The following WDR70 variants were observed in gnomAD, a reference collection of about 807,000 sequenced individuals.
The protein encoded by WDR70 is WD repeat-containing protein 70.
A neutral mutation model predicts 88.6 loss-of-function variants in WDR70; 53 were observed. That is an observed-to-expected ratio of 0.60 (90% CI 0.48 to 0.75). WDR70 has a LOEUF of 0.75. Among genes scored for constraint, WDR70 ranks in the 30% least tolerant of loss-of-function variants. The probability of loss-of-function intolerance (pLI) is 0.00; values close to 1 mark genes in which losing one functional copy is unlikely to be tolerated. For missense variants in WDR70, 610 were observed against 823.2 expected (o/e 0.74, Z 3.17); for synonymous variants, 280 against 270.0 (o/e 1.04, Z -0.36).
chr5:37,680,016 A>G (rs1301843481), intron 10 of WDR70, among the ~76,000 whole-genome samples: 1 of 152,176 alleles, frequency 6.6e-6, no homozygotes, highest in Non-Finnish European at 1.5e-5. Context: ...TTCACCAACA[A>G]TGTAAAAGCA....
chr5:37,436,156 G>A (rs988710558), intron 5 of WDR70, among the ~76,000 whole-genome samples: 3 of 152,014 alleles, frequency 2.0e-5, no homozygotes, highest in South Asian at 2.1e-4. Context: ...ATAAAAATTA[G>A]CCAGGTAAAG....
chr5:37,449,800 C>T lies in WDR70; in HGVS notation c.686+6428C>T, dbSNP rs568614430. The stretch of plus-strand genomic sequence containing the variant: ...TTCTGGGATACATGTGCAGAACGTG[C>T]AGGTTTGTTACATAGGTATACACGT... On this transcript the variant is annotated intron_variant, in intron 7 of 17. Coordinates refer to ENST00000265107, the MANE Select transcript of WDR70 (RefSeq NM_018034.4). 2.6e-5 allele frequency among the ~76,000 whole-genome samples: 4 copies of T among 152,032 alleles called. No homozygotes were observed. In the South Asian group the frequency reaches 6.2e-4, roughly 24 times the overall value.
chr5:37,502,187 T>A (rs571443277), intron 8 of WDR70, among the ~76,000 whole-genome samples: 19 of 152,300 alleles, frequency 1.2e-4, no homozygotes, highest in African/African-American at 2.6e-4. Context: ...CCTTTTTTTT[T>A]ATTTTTTGCG....
Position 37,605,105 on chromosome 5 carries a change from A to G in WDR70, c.959A>G (p.Lys320Arg). Residue 320 changes from lysine to arginine, a missense_variant, in exon 10 of 18, where the codon AAA (lysine) becomes AGA (arginine). By Grantham distance (26) the Lys-to-Arg change is conservative. Coordinates refer to ENST00000265107, the MANE Select transcript of WDR70 (RefSeq NM_018034.4). ...GAAGTTGAAAATCCAAAGAAGCAAA[A>G]AAGTGTGTTTAAACCACGGACGATG... ...TWEVENPKKQ[K>R]SVFKPRTMQG... The G allele has an allele frequency of 1.2e-6, 2 of 1,612,852 alleles. No homozygotes were observed. Among genetic ancestry groups the G allele is most frequent in the Non-Finnish European group, 1.7e-6 (2 of 1,179,320 alleles).
intron 9 of WDR70, among the ~76,000 whole-genome samples, chr5:37,575,629 G>C (rs567633295): frequency 2.4e-4 from 37 of 152,320 alleles, no homozygotes; most frequent in South Asian, 6.2e-4. Context: ...ACTCCGTAGA[G>C]ACAGAAGCTC....
chr5:37,401,792 A>G (rs1749203643), intron 5 of WDR70, among the ~76,000 whole-genome samples: 2 of 152,058 alleles, frequency 1.3e-5, no homozygotes, highest in Admixed American at 1.3e-4. Flanking sequence ...TTTAATTGAC[A>G]GATTATTTTT....
At chr5:37,423,280 C>T (rs1289876692) in intron 5 of WDR70, among the ~76,000 whole-genome samples, 2 of 150,652 alleles carry the variant, frequency 1.3e-5, no homozygotes, top group African/African-American at 2.4e-5. Context: ...GTCTAGATTC[C>T]AGAATTTCTG....
chr5:37,677,935 A>G lies in WDR70; in HGVS notation c.1093-19720A>G, dbSNP rs563010032. ...GTGCTCCTGTATTGGGTGCATATAT[A>G]TTTAGGATAGTAGCTCTTCTTGTTG... On this transcript the variant is annotated intron_variant, in intron 10 of 17. Transcript: ENST00000265107. Among the ~76,000 whole-genome samples the G allele has an allele frequency of 8.5e-5, 13 of 152,296 alleles. No homozygotes were observed. In the East Asian group the frequency reaches 1.4e-3, roughly 16 times the overall value.
intron 10 of WDR70, among the ~76,000 whole-genome samples, chr5:37,686,732 GA>G (rs1225451434): frequency 6.6e-6 from 1 of 151,816 alleles, no homozygotes; most frequent in Non-Finnish European, 1.5e-5. Flanking sequence ...GCTGAGAAAA[GA>G]GGTATACAGA....
intron 10 of WDR70, among the ~76,000 whole-genome samples, chr5:37,614,532 A>C (rs1218552724): frequency 1.3e-5 from 2 of 152,206 alleles, no homozygotes; most frequent in Non-Finnish European, 2.9e-5. Flanking sequence ...AATCAAAATA[A>C]AAATATTTTG....
chr5:37,383,294 C>T (rs966233726), intron 3 of WDR70, among the ~76,000 whole-genome samples: 2 of 152,106 alleles, frequency 1.3e-5, no homozygotes, highest in African/African-American at 4.8e-5. Flanking sequence ...GAGGCCTGCT[C>T]TGTCGCCCAG....
intron 5 of WDR70, among the ~76,000 whole-genome samples, chr5:37,436,364 C>T (rs1354058894): frequency 6.6e-6 from 1 of 152,130 alleles, no homozygotes; most frequent in Admixed American, 6.5e-5. Context: ...AGAGTCATAA[C>T]TTTGCTGAAG....
intron 10 of WDR70, among the ~76,000 whole-genome samples, chr5:37,672,877 A>G (rs1326448895): frequency 6.6e-6 from 1 of 152,114 alleles, no homozygotes; most frequent in Non-Finnish European, 1.5e-5. Context: ...GTGGAGGGGC[A>G]GGCCACCCCT....
At chr5:37,720,934 G>A (rs1382918207) in intron 13 of WDR70, among the ~76,000 whole-genome samples, 181 bp from the exon 14 acceptor site, 1 of 152,174 alleles carries the variant, frequency 6.6e-6, no homozygotes, top group East Asian at 1.9e-4. Flanking sequence ...CAGATAATAA[G>A]TGATGGAATG....
At chr5:37,591,098 C>T (rs897839879) in intron 9 of WDR70, among the ~76,000 whole-genome samples, 6 of 152,114 alleles carry the variant, frequency 3.9e-5, no homozygotes, top group African/African-American at 7.2e-5. Context: ...TCTGGGAGGC[C>T]GAGGTGGGTG....
intron 10 of WDR70, among the ~76,000 whole-genome samples, chr5:37,661,457 G>A (rs1745697822): frequency 6.6e-6 from 1 of 152,248 alleles, no homozygotes; most frequent in Non-Finnish European, 1.5e-5. Flanking sequence ...TGGATAGTGT[G>A]AAGGACTGCC....
chr5:37,551,437 GTTA>G (rs1241291761), intron 9 of WDR70, among the ~76,000 whole-genome samples: 1 of 151,402 alleles, frequency 6.6e-6, no homozygotes, highest in African/African-American at 2.4e-5. Context: ...TCTTGAAAAA[GTTA>G]TTATTTTAGC....
In WDR70 at chr5:37,447,511, G is replaced by A. The variant is rs186727548; in HGVS notation, c.686+4139G>A. Reference sequence around the variant, plus strand: ...ACGTATGTTTATTGTGGCACTATTCGCAATAGCAAAGACTTGGAACCAACT... The same window carrying A: ...ACGTATGTTTATTGTGGCACTATTCACAATAGCAAAGACTTGGAACCAACT... On this transcript the variant is annotated intron_variant, in intron 7 of 17. Coordinates refer to ENST00000265107, the MANE Select transcript of WDR70 (RefSeq NM_018034.4). 1.0e-3 allele frequency among the ~76,000 whole-genome samples: 156 copies of A among 152,110 alleles called. 1 individual carries two copies. Among genetic ancestry groups the A allele is most frequent in the Non-Finnish European group, 9.7e-4 (66 of 68,010 alleles).
chr5:37,452,896 A>C (rs183833144), intron 7 of WDR70, among the ~76,000 whole-genome samples: 311 of 152,298 alleles, frequency 2.0e-3, no homozygotes, highest in African/African-American at 6.9e-3. Context: ...GGGAGATAGA[A>C]GTCCAAGTCT....
Sources: gnomAD v4.1 joint callset for allele counts (sites outside exome capture counted in the v4.1 genomes callset) on GRCh38, gnomAD v4.1.1 for gene constraint, MANE v1.5 for transcripts, NCBI Gene and HGNC (gene_info 2026-07-23, HGNC 2026-07-21) for gene names.